The following SP2 variants were observed in gnomAD, a reference collection of about 807,000 sequenced individuals.
SP2 encodes transcription factor Sp2.
A neutral mutation model predicts 50.1 loss-of-function variants in SP2; 9 were observed. The ratio of observed to expected loss-of-function variants is 0.18; its 90% CI spans 0.11 to 0.31. The LOEUF is 0.31. Ranked by LOEUF, SP2 falls within the 10% of genes least tolerant of loss-of-function variation. The pLI, the probability that SP2 is intolerant of heterozygous loss-of-function variation, is 1.00. For missense variants in SP2, 581 were observed against 806.5 expected, an observed-to-expected ratio of 0.72 and a Z score of 3.39; for synonymous variants, 313 against 326.6, an observed-to-expected ratio of 0.96 and a Z score of 0.45.
chr17:47,931,036 G>A (rs2035808343), downstream of SP2, among the ~76,000 whole-genome samples: 1 of 151,638 alleles, frequency 6.6e-6, no homozygotes, highest in Non-Finnish European at 1.5e-5. Flanking sequence ...AGACCACCCA[G>A]TCCATTTTTA....
Position 47,927,716 on chromosome 17 carries a change from C to T in SP2, c.1742-8C>T, listed in dbSNP as rs1208242571. The T allele has an allele frequency of 2.6e-6, 4 of 1,565,314 alleles. No individual in the cohort carries two copies. Among genetic ancestry groups the T allele is most frequent in the Non-Finnish European group, 8.7e-7 (1 of 1,152,412 alleles). ...GGTCTGTGGGTGATGGGCATCTCCT[C>T]TTCCCAGGGGACAAACGCTTCGAGT... On this transcript the variant is annotated splice_region_variant and splice_polypyrimidine_tract_variant and intron_variant, in intron 6 of 6. Coordinates refer to ENST00000376741, the MANE Select transcript of SP2 (RefSeq NM_003110.6).
At chr17:47,918,559 A>C (rs1212884830) in intron 3 of SP2, 2 of 152,122 alleles carry the variant, frequency 1.3e-5, no homozygotes, top group Non-Finnish European at 2.9e-5. Context: ...CAGGACTAAA[A>C]CCCAGGTCTT....
chr17:47,897,234 C>CTAA (rs765299129), intron 1 of SP2: 1 of 152,254 alleles, frequency 6.6e-6, no homozygotes, highest in Non-Finnish European at 1.5e-5. Flanking sequence ...CAGCGGCTTT[C>CTAA]TAATTTTAGT....
rs1045029204 is a variant in SP2 at position 47,925,669 on chromosome 17, ACTAT to A, written c.1741+132_1741+135del. The A allele has an allele frequency of 3.1e-5, 22 of 700,544 alleles. 1 individual carries two copies. Among genetic ancestry groups the A allele is most frequent in the Non-Finnish European group, 4.6e-5 (19 of 413,074 alleles). The allele number at this position is 700,544 out of a possible 1,614,324, so 43.4% of individuals were successfully genotyped here. A position where few individuals can be genotyped will look rare whatever the true frequency, so the allele number is the denominator to read the frequency against. On this transcript the variant is annotated intron_variant, in intron 6 of 6. Transcript: ENST00000376741. ...CTGCCACACTGAGCAAAAGCTACAG[ACTAT>A]CTAGGGACGACATAGGAAATTATTT...
At chr17:47,912,442 C>T (rs962649101) in intron 1 of SP2, among the ~76,000 whole-genome samples, 6 of 140,196 alleles carry the variant, frequency 4.3e-5, no homozygotes, top group Non-Finnish European at 9.3e-5. Context: ...TCCACTTCAC[C>T]TTTTTTTTTT....
rs1213465567 is a variant in SP2 at position 47,916,086 on chromosome 17, G to A, written c.85-70G>A. 17 of 1,532,426 alleles carry A rather than the reference G, an allele frequency of 1.1e-5. No individual in the cohort carries two copies. Among genetic ancestry groups the A allele is most frequent in the East Asian group, 2.3e-5 (1 of 44,370 alleles). 94.9% of individuals were successfully genotyped at this position (1,532,426 alleles called of 1,614,324 possible). A position where few individuals can be genotyped will look rare whatever the true frequency, so the allele number is the denominator to read the frequency against. On this transcript the variant is annotated intron_variant, in intron 2 of 6. Transcript: ENST00000376741. This position sits in a 1 kb window ranked among gnomAD's most constrained non-coding sequence, Gnocchi z 4.7. ...GCGTGGAATGCCGCCAGGAGGAGAGGATCATGGACAGAGGCGGCCGGGCAG... is the reference window on the plus strand; with the variant it reads ...GCGTGGAATGCCGCCAGGAGGAGAGAATCATGGACAGAGGCGGCCGGGCAG...
rs542493119 is a variant in SP2 at position 47,903,687 on chromosome 17, C to T, written c.7+7394C>T. ...TGGTTTAAGAAGTAGCCATGGCCGG[C>T]GCGGTGGCTCACGCCTGTAATCCCA... On this transcript the variant is annotated intron_variant, in intron 1 of 6. Transcript: ENST00000376741. 1.6e-4 allele frequency among the ~76,000 whole-genome samples: 24 copies of T among 151,810 alleles called. No individual in the cohort carries two copies. In the South Asian group the frequency reaches 4.4e-3, roughly 28 times the overall value.
Position 47,911,880 on chromosome 17 carries a change from C to G in SP2, c.8-3432C>G, listed in dbSNP as rs76656134. On this transcript the variant is annotated intron_variant, in intron 1 of 6. Coordinates refer to ENST00000376741, the MANE Select transcript of SP2 (RefSeq NM_003110.6). Reference sequence around the variant, plus strand: ...GGCCTCTGCGGAGATGCCTGTGAACCCTGGTCCTGAGACCCACCCCAGTTC... The same window carrying G: ...GGCCTCTGCGGAGATGCCTGTGAACGCTGGTCCTGAGACCCACCCCAGTTC... Among the ~76,000 whole-genome samples the G allele has an allele frequency of 6.5e-3, 993 of 152,150 alleles. 10 individuals carry two copies. The highest frequency in any genetic ancestry group is 0.023 in the African/African-American group (935 of 41,506).
intron 1 of SP2, chr17:47,899,110 G>A (rs149836374): frequency 2.0e-5 from 3 of 152,256 alleles, no homozygotes; most frequent in Admixed American, 6.5e-5. Context: ...TAGACCTGTT[G>A]TAGGAGGAAA....
intron 2 of SP2, among the ~76,000 whole-genome samples, 162 bp downstream of exon 2, chr17:47,915,550 C>T (rs16949427): frequency 0.13 from 19,869 of 152,106 alleles, 1,501 homozygotes; most frequent in East Asian, 0.24. Context: ...TGGCCATTTA[C>T]CTAAGGTGCC....
intron 3 of SP2, among the ~76,000 whole-genome samples, chr17:47,920,281 A>T (rs1178374221): frequency 2.0e-5 from 3 of 148,124 alleles, no homozygotes; most frequent in Non-Finnish European, 4.5e-5. Context: ...GCGCCCTGCT[A>T]ATTTTTGAAT....
chr17:47,902,823 T>C, intron 1 of SP2, among the ~76,000 whole-genome samples: 1 of 152,214 alleles, frequency 6.6e-6, no homozygotes, highest in Admixed American at 6.5e-5. Flanking sequence ...TGGCACAATC[T>C]TGGCTCACTG....
At chr17:47,902,685 G>A (rs1437071556) in intron 1 of SP2, among the ~76,000 whole-genome samples, 2 of 152,198 alleles carry the variant, frequency 1.3e-5, no homozygotes, top group Non-Finnish European at 2.9e-5. Context: ...CTGCAGTGGC[G>A]AATTTTGAAG....
At chr17:47,927,686 C>T (rs1567706092) in intron 6 of SP2, 38 bp from the exon 7 acceptor site, 1 of 1,423,246 alleles carries the variant, frequency 7.0e-7, no homozygotes, top group South Asian at 1.2e-5. Flanking sequence ...AGGGTCTGTG[C>T]ACAGGGTCTG....
At chr17:47,923,323 A>C in intron 4 of SP2, 49 bp downstream of exon 4, 1 of 1,487,574 alleles carries the variant, frequency 6.7e-7, no homozygotes, top group East Asian at 2.3e-5. Flanking sequence ...ACCTGCTCCT[A>C]GCAGGTGGAA....
rs372866839 is a variant in SP2, at chr17:47,916,725, C to G, written c.654C>G (p.Asn218Lys). The G allele has an allele frequency of 6.2e-7, 1 of 1,613,148 alleles. No homozygotes were observed. Among genetic ancestry groups the G allele is most frequent in the African/African-American group, 1.3e-5 (1 of 75,010 alleles). ...TGACGCTCACTCTGCCCGTCAACAA[C>G]CTTGTGAACGCCAGTGACACCGGGG... Reference protein sequence around the residue: ...GNVTLTLPVNNLVNASDTGAP... With the variant: ...GNVTLTLPVNKLVNASDTGAP... The change falls in exon 3 of 7, where the codon AAC (asparagine) becomes AAG (lysine). Residue 218 changes from asparagine to lysine, a missense_variant. Asn to Lys is a moderately conservative substitution (Grantham distance 94). This residue lies in a region of SP2 where 397 missense variants were observed against 491.0 expected (regional missense o/e 0.81). Coordinates refer to ENST00000376741, the MANE Select transcript of SP2 (RefSeq NM_003110.6). The surrounding 1 kb of genome is among the most constrained non-coding windows in gnomAD (Gnocchi z 4.7).
At position 47,921,336 on chromosome 17, in the gene SP2, C is replaced by A. The variant is rs1238203148; in HGVS notation, c.1060-1626C>A. On this transcript the variant is annotated intron_variant, in intron 3 of 6. Transcript: ENST00000376741. ...CAATCTCGACTCACTGCAACCTCCA[C>A]CTCCCAGGTTCAAGCAGTTCTCCTG... Among the ~76,000 whole-genome samples, 6 of 152,308 alleles carry A rather than the reference C, an allele frequency of 3.9e-5. No individual in the cohort carries two copies. In the South Asian group the frequency reaches 1.2e-3, roughly 32 times the overall value.
intron 3 of SP2, among the ~76,000 whole-genome samples, chr17:47,918,166 CCTAGTTGT>C (rs2035291492): frequency 6.6e-6 from 1 of 151,512 alleles, no homozygotes; most frequent in East Asian, 1.9e-4. Context: ...GAATGTATGA[CCTAGTTGT>C]CTATAGAGGA....
Position 47,923,361 on chromosome 17 carries a change from TAAC to T in SP2, c.1372+90_1372+92del, listed in dbSNP as rs2035531939. ...TATGGGCTGGCCCCGGGATTTCCAG[TAAC>T]AATAGTGAGGATGCTGTCCATCATA... On this transcript the variant is annotated intron_variant, in intron 4 of 6. Coordinates refer to ENST00000376741, the MANE Select transcript of SP2 (RefSeq NM_003110.6). 17 of 1,117,204 alleles carry T rather than the reference TAAC, an allele frequency of 1.5e-5. 1 individual carries two copies. In the South Asian group the frequency reaches 2.2e-4, roughly 15 times the overall value. The allele number at this position is 1,117,204 out of a possible 1,614,324, so 69.2% of individuals were successfully genotyped here.
Sources: allele counts gnomAD v4.1 joint callset (sites outside exome capture counted in the v4.1 genomes callset), GRCh38; gene constraint gnomAD v4.1.1; regional missense constraint gnomAD v4.1.1; non-coding constraint Gnocchi (gnomAD v3.1); transcripts MANE v1.5; gene names NCBI Gene and HGNC (gene_info 2026-07-23, HGNC 2026-07-21).